Variants in SMIM5 observed in about 807,000 individuals in gnomAD.
SMIM5 encodes chromosome 17 open reading frame 109.
In SMIM5, 4 loss-of-function variants were observed where a neutral mutation model predicts 4.0. The ratio of observed to expected loss-of-function variants is 1.01; its 90% CI spans 0.50 to 2.30. The LOEUF is 2.30. SMIM5 is among the 30% of genes most tolerant of loss of function. The pLI is 0.02. For missense variants in SMIM5, 107 were observed against 99.2 expected, an observed-to-expected ratio of 1.08 and a Z score of -0.34; for synonymous variants, 46 against 43.6, an observed-to-expected ratio of 1.05 and a Z score of -0.22.
chr17:75,633,610 G>C lies in SMIM5; in HGVS notation c.-629G>C. On this transcript the variant is annotated 5_prime_UTR_variant, in exon 1 of 3. Coordinates refer to ENST00000375215, the MANE Select transcript of SMIM5 (RefSeq NM_001162995.3). The stretch of plus-strand genomic sequence containing the variant: ...CAAAGCCTCCTGCTCAGCTTGAGAG[G>C]GCCACCAGCTCCCCACTGTTTACTG... 4 of 1,210,040 alleles carry C rather than the reference G, an allele frequency of 3.3e-6. No individual in the cohort carries two copies. Among genetic ancestry groups the C allele is most frequent in the Non-Finnish European group, 4.2e-6 (4 of 948,904 alleles). 75.0% of individuals were successfully genotyped at this position (1,210,040 alleles called of 1,614,324 possible). A position where few individuals can be genotyped will look rare whatever the true frequency, so the allele number is the denominator to read the frequency against.
chr17:75,636,005 C>A lies in SMIM5; in HGVS notation c.-37+1803C>A, dbSNP rs576843347. Among the ~76,000 whole-genome samples, 29 of 152,356 alleles carry A rather than the reference C, an allele frequency of 1.9e-4. No homozygotes were observed. The highest frequency in any genetic ancestry group is 6.5e-4 in the African/African-American group (27 of 41,586). On this transcript the variant is annotated intron_variant, in intron 1 of 2. Transcript: ENST00000375215. This position sits in a 1 kb window ranked among gnomAD's most constrained non-coding sequence, Gnocchi z 5.4. ...AAAGGAATGCTTCCCATCCCTCCGG[C>A]TCTGCCAGCCTTCTCTGCCCTGAGT...
At position 75,640,889 on chromosome 17, in the gene SMIM5, C is replaced by A. The variant is rs1163430910; in HGVS notation, c.226C>A (p.Pro76Thr). 2.6e-6 allele frequency: 4 copies of A among 1,545,144 alleles called. No individual in the cohort carries two copies. The highest frequency in any genetic ancestry group is 3.5e-6 in the Non-Finnish European group (4 of 1,146,846). Reference protein sequence around the residue: ...RGRKVQVQPTPP With the variant: ...RGRKVQVQPTTP ...CAGGAAGGTCCAGGTGCAGCCGACA[C>A]CACCATGACGGACGGGCGATGGCTG... Residue 76 changes from proline to threonine, a missense_variant, in exon 3 of 3, where the codon CCA becomes ACA. Transcript: ENST00000375215. The surrounding 1 kb of genome is among the most constrained non-coding windows in gnomAD (Gnocchi z 4.6).
In SMIM5 at chr17:75,634,193, G is replaced by C. The variant is rs2059275788; in HGVS notation, c.-46G>C. ...CACTGCTGCTCAGCCCCCAACACCT[G>C]AGCTCCCAGGTGAGTGGCAATGGCC... On this transcript the variant is annotated 5_prime_UTR_variant, in exon 1 of 3. Coordinates refer to ENST00000375215, the MANE Select transcript of SMIM5 (RefSeq NM_001162995.3). 1 of 985,520 alleles carries C rather than the reference G, an allele frequency of 1.0e-6. No individual in the cohort carries two copies. The highest frequency in any genetic ancestry group is 1.7e-5 in the African/African-American group (1 of 57,370). The allele number at this position is 985,520 out of a possible 1,614,324, so 61.0% of individuals were successfully genotyped here.
In SMIM5 at chr17:75,640,636, G is replaced by A. The variant is rs2059419238; in HGVS notation, c.128-155G>A. On this transcript the variant is annotated intron_variant, in intron 2 of 2. Transcript: ENST00000375215. This position sits in a 1 kb window ranked among gnomAD's most constrained non-coding sequence, Gnocchi z 4.6. The stretch of plus-strand genomic sequence containing the variant: ...GGTTGGCCCTGGCGGCTGGCATGGG[G>A]ACCGTCCGCACCTCTCACCAGCCTC... 1.3e-5 allele frequency among the ~76,000 whole-genome samples: 2 copies of A among 152,152 alleles called. No homozygotes were observed. The highest frequency in any genetic ancestry group is 4.8e-5 in the African/African-American group (2 of 41,440).
Position 75,640,445 on chromosome 17 carries a change from A to G in SMIM5, c.127+117A>G. On this transcript the variant is annotated intron_variant, in intron 2 of 2. Coordinates refer to ENST00000375215, the MANE Select transcript of SMIM5 (RefSeq NM_001162995.3). This position sits in a 1 kb window ranked among gnomAD's most constrained non-coding sequence, Gnocchi z 4.6. ...GGTGTCTGCCGGATCAAGGAGGAAA[A>G]CCAGTTGTCCCTTGGGGGAAGCCAA... The G allele has an allele frequency of 7.1e-7, 1 of 1,414,758 alleles. No individual in the cohort carries two copies. Among genetic ancestry groups the G allele is most frequent in the East Asian group, 2.5e-5 (1 of 39,270 alleles). 87.6% of individuals were successfully genotyped at this position (1,414,758 alleles called of 1,614,324 possible).
At chr17:75,634,265 C>T in intron 1 of SMIM5, 63 bp downstream of exon 1, 2 of 985,432 alleles carry the variant, frequency 2.0e-6, no homozygotes, top group African/African-American at 3.5e-5. Context: ...TCCCCTGCCC[C>T]CAGGGTGAAG....
intron 1 of SMIM5, chr17:75,637,300 T>G (rs1355715851): frequency 6.6e-6 from 1 of 152,330 alleles, no homozygotes; most frequent in Non-Finnish European, 1.5e-5. Context: ...CTGGGCTACA[T>G]TAGGCCGTGT....
rs916039514 is a variant in SMIM5, at chr17:75,641,338, G to A, written c.*441G>A. ...CTTCTGCATCCGAGCTCCCGCCAGA[G>A]CGTGAGCATGTCAGTATTCTAGTCC... On this transcript the variant is annotated 3_prime_UTR_variant, in exon 3 of 3. Transcript: ENST00000375215. 2 of 165,294 alleles carry A rather than the reference G, an allele frequency of 1.2e-5. No homozygotes were observed. The highest frequency in any genetic ancestry group is 2.7e-5 in the Non-Finnish European group (2 of 75,062). The allele number at this position is 165,294 out of a possible 1,614,324, so 10.2% of individuals were successfully genotyped here. A position where few individuals can be genotyped will look rare whatever the true frequency, so the allele number is the denominator to read the frequency against.
intron 1 of SMIM5, among the ~76,000 whole-genome samples, chr17:75,635,574 C>T (rs547892797): frequency 2.6e-5 from 4 of 152,308 alleles, no homozygotes; most frequent in African/African-American, 9.6e-5. Context: ...CCAGTTGGAG[C>T]CAGGGCAAAA....
intron 1 of SMIM5, among the ~76,000 whole-genome samples, chr17:75,634,611 A>G (rs889042793): frequency 6.6e-6 from 1 of 152,156 alleles, no homozygotes; most frequent in African/African-American, 2.4e-5. Context: ...TGTCGAGGTC[A>G]GCGCAGGGTC....
In SMIM5 at chr17:75,640,261, G is replaced by A; in HGVS notation, c.60G>A (p.Lys20=). ...MRAVGERLLL[K]LQRLPQAEPV... is the part of the protein sequence containing the mutation. ...CCGTGGGCGAGAGGCTGCTGCTCAA[G>A]CTGCAGAGACTGCCCCAGGCTGAGC... The change falls in exon 2 of 3, where the codon AAG becomes AAA. Residue 20 remains lysine, a synonymous_variant. Transcript: ENST00000375215. This position sits in a 1 kb window ranked among gnomAD's most constrained non-coding sequence, Gnocchi z 4.6. The A allele has an allele frequency of 1.3e-6, 2 of 1,551,526 alleles. No individual in the cohort carries two copies. The highest frequency in any genetic ancestry group is 1.7e-6 in the Non-Finnish European group (2 of 1,146,914).
At chr17:75,638,509 CAT>C (rs2059370341) in intron 1 of SMIM5, 1 of 152,902 alleles carries the variant, frequency 6.5e-6, no homozygotes, top group Admixed American at 6.5e-5. Flanking sequence ...ACAACAAAAA[CAT>C]AGCTCCCCAC....
chr17:75,640,374 G>A lies in SMIM5; in HGVS notation c.127+46G>A, dbSNP rs757032046. ...CCCCATGGCTCTCCCTGGCATCTGGGAGAGACCACACCATGGTGCCAGCCA... is the reference window on the plus strand; with the variant it reads ...CCCCATGGCTCTCCCTGGCATCTGGAAGAGACCACACCATGGTGCCAGCCA... On this transcript the variant is annotated intron_variant, in intron 2 of 2. Coordinates refer to ENST00000375215, the MANE Select transcript of SMIM5 (RefSeq NM_001162995.3). This position sits in a 1 kb window ranked among gnomAD's most constrained non-coding sequence, Gnocchi z 4.6. 80 of 1,495,848 alleles carry A rather than the reference G, an allele frequency of 5.3e-5. No homozygotes were observed. The highest frequency in any genetic ancestry group is 6.5e-5 in the Non-Finnish European group (73 of 1,116,880). 92.7% of individuals were successfully genotyped at this position (1,495,848 alleles called of 1,614,324 possible).
At position 75,640,340 on chromosome 17, in the gene SMIM5, C is replaced by T. The variant is rs567735753; in HGVS notation, c.127+12C>T. 1.3e-6 allele frequency: 2 copies of T among 1,537,876 alleles called. No homozygotes were observed. The highest frequency in any genetic ancestry group is 2.0e-5 in the Admixed American group (1 of 49,430). On this transcript the variant is annotated intron_variant, in intron 2 of 2. Coordinates refer to ENST00000375215, the MANE Select transcript of SMIM5 (RefSeq NM_001162995.3). The surrounding 1 kb of genome is among the most constrained non-coding windows in gnomAD (Gnocchi z 4.6). ...CATCCTTTTCACAGGTTAGTTGGGG[C>T]ACTCAGCACCCCATGGCTCTCCCTG...
At position 75,634,087 on chromosome 17, in the gene SMIM5, G is replaced by C; in HGVS notation, c.-152G>C. The C allele has an allele frequency of 3.0e-6, 3 of 985,610 alleles. No homozygotes were observed. The South Asian group carries it at 1.4e-4, about 46-fold the overall frequency. The allele number at this position is 985,610 out of a possible 1,614,324, so 61.1% of individuals were successfully genotyped here. Reference sequence around the variant, plus strand: ...AGACAGCAGCTGGCTGTCAGCAGAGGAGCTGGGCTGAGGCGCCCAGGGGAG... The same window carrying C: ...AGACAGCAGCTGGCTGTCAGCAGAGCAGCTGGGCTGAGGCGCCCAGGGGAG... On this transcript the variant is annotated 5_prime_UTR_variant, in exon 1 of 3. Transcript: ENST00000375215.
In SMIM5 at chr17:75,635,627, C is replaced by T. The variant is rs1320431546; in HGVS notation, c.-37+1425C>T. Among the ~76,000 whole-genome samples the T allele has an allele frequency of 6.6e-5, 10 of 152,290 alleles. No homozygotes were observed. The East Asian group carries it at 1.9e-3, about 29-fold the overall frequency. The stretch of plus-strand genomic sequence containing the variant: ...GCTCAGTGCCACAAATAGGGGCATC[C>T]CCCCCGGCTGCTCAGGCACAGGACC... On this transcript the variant is annotated intron_variant, in intron 1 of 2. Coordinates refer to ENST00000375215, the MANE Select transcript of SMIM5 (RefSeq NM_001162995.3).
rs1456961212 is a variant in SMIM5 at position 75,641,063 on chromosome 17, A to G, written c.*166A>G. The G allele has an allele frequency of 1.6e-6, 2 of 1,274,394 alleles. No homozygotes were observed. Among genetic ancestry groups the G allele is most frequent in the East Asian group, 5.2e-5 (2 of 38,822 alleles). The allele number at this position is 1,274,394 out of a possible 1,614,324, so 78.9% of individuals were successfully genotyped here. A position where few individuals can be genotyped will look rare whatever the true frequency, so the allele number is the denominator to read the frequency against. On this transcript the variant is annotated 3_prime_UTR_variant, in exon 3 of 3. Coordinates refer to ENST00000375215, the MANE Select transcript of SMIM5 (RefSeq NM_001162995.3). ...ACTGACAACTTGAGCCCTACCAAGG[A>G]AACAAGGGCTGGTATAGGTGCAAAC... is the stretch of plus-strand genomic sequence containing the variant.
At position 75,634,056 on chromosome 17, in the gene SMIM5, A is replaced by T; in HGVS notation, c.-183A>T. 1 of 985,614 alleles carries T rather than the reference A, an allele frequency of 1.0e-6. No homozygotes were observed. Among genetic ancestry groups the T allele is most frequent in the Non-Finnish European group, 1.2e-6 (1 of 830,042 alleles). The allele number at this position is 985,614 out of a possible 1,614,324, so 61.1% of individuals were successfully genotyped here. A position where few individuals can be genotyped will look rare whatever the true frequency, so the allele number is the denominator to read the frequency against. On this transcript the variant is annotated 5_prime_UTR_variant, in exon 1 of 3. Coordinates refer to ENST00000375215, the MANE Select transcript of SMIM5 (RefSeq NM_001162995.3). ...CAGGACGACCAACAACAAAAAAGCC[A>T]GGCAGAGACAGCAGCTGGCTGTCAG... is the stretch of plus-strand genomic sequence containing the variant.
chr17:75,637,785 C>T (rs1164370567), intron 1 of SMIM5: 1 of 152,282 alleles, frequency 6.6e-6, no homozygotes, highest in African/African-American at 2.4e-5. Flanking sequence ...TGTACTGAGC[C>T]CACTGCACGG....
Sources: gnomAD v4.1 joint callset for allele counts (sites outside exome capture counted in the v4.1 genomes callset) on GRCh38, gnomAD v4.1.1 for gene constraint, Gnocchi (gnomAD v3.1) non-coding constraint, MANE v1.5 for transcripts, NCBI Gene and HGNC (gene_info 2026-07-23, HGNC 2026-07-21) for gene names.